ADAM32: variants seen among roughly 807,000 people sequenced by gnomAD.
The protein encoded by ADAM32 is disintegrin and metalloproteinase domain-containing protein 32.
ADAM32 carries 89 observed loss-of-function variants against 114.9 expected under a neutral mutation model. That is an observed-to-expected ratio of 0.77 (90% CI 0.65 to 0.92). The LOEUF is 0.92. Among genes scored for constraint, ADAM32 ranks in the 40% least tolerant of loss-of-function variants. The pLI is 0.00. For synonymous variants in ADAM32, 285 were observed against 307.5 expected (o/e 0.93, Z 0.77); for missense variants, 870 against 932.8 (o/e 0.93, Z 0.88).
At chr8:39,227,475 G>A (rs371752193) in intron 14 of ADAM32, among the ~76,000 whole-genome samples, 11 of 152,196 alleles carry the variant, frequency 7.2e-5, no homozygotes, top group South Asian at 2.1e-4. Context: ...AAACAGACTC[G>A]GGGCTGTTAA....
At chr8:39,169,157 A>C (rs73606707) in intron 9 of ADAM32, 37,482 of 152,076 alleles carry the variant, frequency 0.25, 5,000 homozygotes, top group Non-Finnish European at 0.29. Context: ...GCTTCTTAAG[A>C]TTCTTTACTC....
intron 11 of ADAM32, among the ~76,000 whole-genome samples, chr8:39,209,856 C>T (rs532813317): frequency 6.6e-6 from 1 of 152,152 alleles, no homozygotes; most frequent in Non-Finnish European, 1.5e-5. Context: ...CTCTATACTG[C>T]ACTGTCTGGA....
intron 24 of ADAM32, 101 bp from the exon 25 acceptor site, chr8:39,284,692 C>T: frequency 7.8e-7 from 1 of 1,287,096 alleles, no homozygotes; most frequent in Non-Finnish European, 1.1e-6. Flanking sequence ...TTTTTTCGTG[C>T]CACATGAATT....
At chr8:39,121,031 A>G (rs562064902) in intron 2 of ADAM32, among the ~76,000 whole-genome samples, 106 of 152,202 alleles carry the variant, frequency 7.0e-4, no homozygotes, top group Non-Finnish European at 1.3e-3. Context: ...GGTAAATGGA[A>G]GGAATTATTT....
At chr8:39,278,075 G>A (rs546887508) in intron 22 of ADAM32, among the ~76,000 whole-genome samples, 35 of 152,314 alleles carry the variant, frequency 2.3e-4, no homozygotes, top group African/African-American at 8.2e-4. Context: ...GTGGCTTTCA[G>A]CGGGAAGGGG....
chr8:39,164,385 A>T (rs1366090075), intron 7 of ADAM32, among the ~76,000 whole-genome samples: 1 of 152,242 alleles, frequency 6.6e-6, no homozygotes. Flanking sequence ...ACTGAAGGAT[A>T]TATGAGTTAT....
At chr8:39,239,544 C>T (rs1212805827) in intron 16 of ADAM32, among the ~76,000 whole-genome samples, 3 of 151,992 alleles carry the variant, frequency 2.0e-5, no homozygotes, top group Admixed American at 2.0e-4. Context: ...AGGAAACAAC[C>T]AGCATGATAA....
chr8:39,176,912 A>G (rs768163305), intron 10 of ADAM32, among the ~76,000 whole-genome samples: 7 of 152,076 alleles, frequency 4.6e-5, no homozygotes, highest in African/African-American at 2.4e-5. Flanking sequence ...AGCTCTTCTT[A>G]TTGAATTGAA....
At chr8:39,124,456 C>T (rs1021623613) in intron 2 of ADAM32, among the ~76,000 whole-genome samples, 2 of 148,006 alleles carry the variant, frequency 1.4e-5, no homozygotes, top group Non-Finnish European at 1.5e-5. Context: ...CTTGCTCTGT[C>T]GACCAGGCTG....
chr8:39,283,582 T>C lies in ADAM32; in HGVS notation c.2319-4T>C, dbSNP rs1358765612. On this transcript the variant is annotated splice_region_variant and splice_polypyrimidine_tract_variant and intron_variant, in intron 23 of 24. Transcript: ENST00000379907. ...CTAAAAATGTTATTTCCTTATTTCC[T>C]TAGATCCAAATCACAGGACAGTACC... The C allele has an allele frequency of 1.5e-5, 24 of 1,595,098 alleles. No individual in the cohort carries two copies. Among genetic ancestry groups the C allele is most frequent in the Non-Finnish European group, 2.1e-5 (24 of 1,167,876 alleles).
At chr8:39,225,238 G>A (rs1226600568) in intron 14 of ADAM32, among the ~76,000 whole-genome samples, 2 of 152,158 alleles carry the variant, frequency 1.3e-5, no homozygotes, top group African/African-American at 4.8e-5. Context: ...AGACAGTGCA[G>A]CTATGTGTGA....
At chr8:39,257,695 A>G (rs1811741217) in intron 19 of ADAM32, among the ~76,000 whole-genome samples, 1 of 152,144 alleles carries the variant, frequency 6.6e-6, no homozygotes, top group Non-Finnish European at 1.5e-5. Flanking sequence ...TACAGACTAA[A>G]TATTTTAATT....
chr8:39,231,054 TG>T (rs757578342), intron 14 of ADAM32, among the ~76,000 whole-genome samples: 3 of 152,164 alleles, frequency 2.0e-5, no homozygotes, highest in Non-Finnish European at 4.4e-5. Context: ...AATATATGAT[TG>T]AATATCAATC....
At chr8:39,154,553 C>G (rs1804027014) in intron 6 of ADAM32, among the ~76,000 whole-genome samples, 1 of 152,150 alleles carries the variant, frequency 6.6e-6, no homozygotes, top group East Asian at 1.9e-4. Flanking sequence ...GGGTATATAC[C>G]CAGGAATGGG....
At chr8:39,136,806 A>G (rs376282411) in intron 3 of ADAM32, 88 bp downstream of exon 3, 4 of 890,632 alleles carry the variant, frequency 4.5e-6, no homozygotes, top group Middle Eastern at 2.3e-4. Context: ...AGAAAAATAC[A>G]TGGAATTATT....
intron 6 of ADAM32, among the ~76,000 whole-genome samples, chr8:39,159,611 TTG>T (rs1804360121): frequency 6.6e-6 from 1 of 152,246 alleles, no homozygotes; most frequent in Admixed American, 6.5e-5. Context: ...GCTGCTTTTC[TTG>T]TCCGTTTTTC....
intron 10 of ADAM32, among the ~76,000 whole-genome samples, chr8:39,182,280 C>T (rs1000440553): frequency 1.3e-5 from 2 of 151,998 alleles, no homozygotes; most frequent in African/African-American, 4.8e-5. Flanking sequence ...TAGATTATAG[C>T]TCTATATGTG....
chr8:39,190,389 C>G (rs1806527485), intron 11 of ADAM32, among the ~76,000 whole-genome samples: 1 of 152,102 alleles, frequency 6.6e-6, no homozygotes, highest in Non-Finnish European at 1.5e-5. Context: ...TACTGATTTC[C>G]TTTACTTTGG....
intron 2 of ADAM32, chr8:39,130,756 C>A: frequency 2.7e-6 from 1 of 368,152 alleles, no homozygotes; most frequent in South Asian, 2.0e-5. Context: ...AAAAAATGTA[C>A]TTTTGTGACT....
Sources: gnomAD v4.1 joint callset for allele counts (sites outside exome capture counted in the v4.1 genomes callset) on GRCh38, gnomAD v4.1.1 for gene constraint, MANE v1.5 for transcripts, NCBI Gene and HGNC (gene_info 2026-07-23, HGNC 2026-07-21) for gene names.